Variants in OPCML observed in about 807,000 individuals in gnomAD.
OPCML encodes the protein opioid binding protein/cell adhesion molecule like.
In OPCML, 13 loss-of-function variants were observed where a neutral mutation model predicts 37.8. That is an observed-to-expected ratio of 0.34 (90% CI 0.22 to 0.55). The LOEUF (loss-of-function observed/expected upper bound fraction) is 0.55, where lower values mean the gene tolerates loss of function less well. Ranked by LOEUF, OPCML falls within the 20% of genes least tolerant of loss-of-function variation. OPCML has a pLI of 0.91. For missense variants in OPCML, 341 were observed against 435.6 expected (o/e 0.78, Z 1.93); for synonymous variants, 176 against 168.8 (o/e 1.04, Z -0.33).
chr11:133,289,594 CAAAAAAAA>C (rs1229577687), intron 1 of OPCML, among the ~76,000 whole-genome samples: 3 of 52,304 alleles, frequency 5.7e-5, no homozygotes, highest in African/African-American at 1.5e-4. Context: ...GACTCCATCT[CAAAAAAAA>C]AAAAAAAAAA....
At chr11:132,873,313 T>A (rs762153434) in intron 2 of OPCML, among the ~76,000 whole-genome samples, 3 of 152,188 alleles carry the variant, frequency 2.0e-5, no homozygotes, top group African/African-American at 4.8e-5. Context: ...TAAATAATAG[T>A]CTGTGATAAG....
intron 1 of OPCML, among the ~76,000 whole-genome samples, chr11:133,379,760 C>T (rs955747380): frequency 1.3e-5 from 2 of 152,140 alleles, no homozygotes; most frequent in Admixed American, 6.5e-5. Flanking sequence ...CTAGATCCTG[C>T]GTATAATGGC....
chr11:133,510,897 A>ACATG (rs1948142656), intron 1 of OPCML, among the ~76,000 whole-genome samples: 1 of 149,988 alleles, frequency 6.7e-6, no homozygotes, highest in African/African-American at 2.5e-5. Flanking sequence ...ACACACACAC[A>ACATG]CACACGCACA....
At chr11:133,457,228 T>C (rs1296768104) in intron 1 of OPCML, among the ~76,000 whole-genome samples, 1 of 152,134 alleles carries the variant, frequency 6.6e-6, no homozygotes, top group East Asian at 1.9e-4. Flanking sequence ...AAACGTTTTC[T>C]TAAAGCATCA....
intron 2 of OPCML, among the ~76,000 whole-genome samples, chr11:132,848,923 A>C (rs755214664): frequency 7.2e-5 from 11 of 152,190 alleles, no homozygotes; most frequent in Non-Finnish European, 1.5e-4. Context: ...GAAAGGCAGG[A>C]TGTTGCTGGG....
intron 2 of OPCML, among the ~76,000 whole-genome samples, chr11:132,863,913 A>ATT (rs60564335): frequency 6.6e-6 from 1 of 150,756 alleles, no homozygotes; most frequent in Non-Finnish European, 1.5e-5. Flanking sequence ...GTTATCACTG[A>ATT]TTTTTTTTAT....
intron 1 of OPCML, among the ~76,000 whole-genome samples, chr11:133,411,035 T>G (rs1945640793): frequency 6.6e-6 from 1 of 152,202 alleles, no homozygotes; most frequent in Non-Finnish European, 1.5e-5. Flanking sequence ...GTGGCTGGCA[T>G]GTGTCCCCTC....
At chr11:133,292,605 G>A (rs940814470) in intron 1 of OPCML, among the ~76,000 whole-genome samples, 17 of 152,242 alleles carry the variant, frequency 1.1e-4, no homozygotes, top group Admixed American at 2.0e-4. Context: ...AGGCAGGTCC[G>A]TACGCTGGGG....
At chr11:133,525,729 G>A (rs895662621) in intron 1 of OPCML, among the ~76,000 whole-genome samples, 4 of 152,146 alleles carry the variant, frequency 2.6e-5, no homozygotes, top group South Asian at 2.1e-4. Flanking sequence ...CAGAATGACC[G>A]CTCAGGCCAC....
At chr11:132,908,175 A>G (rs977063490) in intron 2 of OPCML, among the ~76,000 whole-genome samples, 1 of 152,198 alleles carries the variant, frequency 6.6e-6, no homozygotes, top group African/African-American at 2.4e-5. Context: ...TGCCCATCAA[A>G]TACGGCCTGA....
At chr11:132,708,328 A>T (rs1042700364) in intron 2 of OPCML, among the ~76,000 whole-genome samples, 10 of 152,302 alleles carry the variant, frequency 6.6e-5, no homozygotes, top group Non-Finnish European at 1.3e-4. Flanking sequence ...TTTTCCCAAC[A>T]TACATACACT....
At chr11:132,996,976 G>A (rs1039643435) in intron 1 of OPCML, among the ~76,000 whole-genome samples, 8 of 152,180 alleles carry the variant, frequency 5.3e-5, no homozygotes, top group South Asian at 4.1e-4. Flanking sequence ...CTCTGCCGAG[G>A]CAGCTCCCCT....
rs1939049071 is a variant in OPCML, at chr11:133,206,051, A to C, written c.62-263041T>G. Among the ~76,000 whole-genome samples the C allele has an allele frequency of 6.6e-6, 1 of 152,258 alleles. No individual in the cohort carries two copies. Among genetic ancestry groups the C allele is most frequent in the East Asian group, 1.9e-4 (1 of 5,208 alleles). On this transcript the variant is annotated intron_variant, in intron 1 of 7. Coordinates refer to ENST00000524381, the MANE Select transcript of OPCML (RefSeq NM_001012393.5). This position sits in a 1 kb window ranked among gnomAD's most constrained non-coding sequence, Gnocchi z 4.7. The stretch of plus-strand genomic sequence containing the variant: ...AAGAGCTAATGTACATACATGATGT[A>C]GTACCATGTCTAGTGCCTACAGTTA...
chr11:132,873,005 A>G (rs79062286), intron 2 of OPCML, among the ~76,000 whole-genome samples: 14,371 of 152,016 alleles, frequency 0.095, 766 homozygotes, highest in Middle Eastern at 0.17. Flanking sequence ...AAGGAAATGC[A>G]AGCCCTGCTG....
intron 1 of OPCML, among the ~76,000 whole-genome samples, chr11:133,306,237 A>G (rs901982903): frequency 2.0e-4 from 30 of 152,186 alleles, no homozygotes; most frequent in African/African-American, 7.2e-4. Flanking sequence ...ACAAGTCAAC[A>G]AAACAGGTGT....
intron 1 of OPCML, chr11:133,420,990 G>A: frequency 1.0e-6 from 1 of 985,352 alleles, no homozygotes; most frequent in Non-Finnish European, 1.2e-6. Context: ...AAAAAAAGCT[G>A]CAGGAGCCTA....
chr11:132,976,647 T>A (rs1232788023), intron 1 of OPCML, among the ~76,000 whole-genome samples: 2 of 152,176 alleles, frequency 1.3e-5, no homozygotes, highest in African/African-American at 2.4e-5. Context: ...TAGCAAGGAC[T>A]CCATTGAAAG....
intron 1 of OPCML, among the ~76,000 whole-genome samples, chr11:133,415,032 T>C (rs973326087): frequency 6.6e-6 from 1 of 152,160 alleles, no homozygotes; most frequent in Non-Finnish European, 1.5e-5. Flanking sequence ...ATGTTCTAAG[T>C]ACTGAGAGAG....
chr11:132,438,397 C>A, intron 4 of OPCML, among the ~76,000 whole-genome samples: 1 of 152,258 alleles, frequency 6.6e-6, no homozygotes, highest in South Asian at 2.1e-4. Context: ...AAAGTGTGAG[C>A]TTTCGCCACA....
Sources: gnomAD v4.1 joint callset for allele counts (sites outside exome capture counted in the v4.1 genomes callset) on GRCh38, gnomAD v4.1.1 for gene constraint, Gnocchi (gnomAD v3.1) non-coding constraint, MANE v1.5 for transcripts, NCBI Gene and HGNC (gene_info 2026-07-23, HGNC 2026-07-21) for gene names.